LSAMP: variants seen among roughly 807,000 people sequenced by gnomAD.
The protein encoded by LSAMP is limbic system-associated membrane protein.
Under a neutral mutation model 38.6 loss-of-function variants are expected in LSAMP, and 7 were observed. The ratio of observed to expected loss-of-function variants is 0.18; its 90% CI spans 0.10 to 0.34. The LOEUF is 0.34. Among genes scored for constraint, LSAMP ranks in the 10% least tolerant of loss-of-function variants. LSAMP has a pLI of 1.00. For missense variants in LSAMP, 313 were observed against 420.0 expected, an observed-to-expected ratio of 0.75 and a Z score of 2.23; for synonymous variants, 154 against 166.8, an observed-to-expected ratio of 0.92 and a Z score of 0.59.
chr3:116,004,061 A>G (rs1048816606), intron 3 of LSAMP, among the ~76,000 whole-genome samples: 2 of 152,224 alleles, frequency 1.3e-5, no homozygotes, highest in African/African-American at 2.4e-5. Flanking sequence ...GACTGCAACT[A>G]TGTCTCAGGG....
intron 1 of LSAMP, among the ~76,000 whole-genome samples, chr3:116,357,934 G>T (rs1274494002): frequency 6.6e-6 from 1 of 151,418 alleles, no homozygotes; most frequent in South Asian, 2.1e-4. Context: ...AAAAAAAGAG[G>T]TTGAACACCT....
chr3:115,855,385 ATATCCT>A (rs1368737377), intron 3 of LSAMP, among the ~76,000 whole-genome samples: 4 of 152,230 alleles, frequency 2.6e-5, no homozygotes, highest in Non-Finnish European at 5.9e-5. Context: ...ATAATAAAAC[ATATCCT>A]TATCAGATAA....
At chr3:116,376,551 A>G (rs561652500) in intron 1 of LSAMP, among the ~76,000 whole-genome samples, 1 of 152,050 alleles carries the variant, frequency 6.6e-6, no homozygotes, top group African/African-American at 2.4e-5. Context: ...GGTTCATCCA[A>G]AGGAATAATA....
chr3:116,312,497 A>T (rs1211381723), intron 1 of LSAMP, among the ~76,000 whole-genome samples: 1 of 151,986 alleles, frequency 6.6e-6, no homozygotes, highest in Non-Finnish European at 1.5e-5. Context: ...ATTCTGAGTT[A>T]TTTACTCTCC....
intron 1 of LSAMP, among the ~76,000 whole-genome samples, chr3:116,179,909 C>A (rs758671872): frequency 2.0e-5 from 3 of 152,100 alleles, no homozygotes; most frequent in Non-Finnish European, 4.4e-5. Flanking sequence ...ACCTCCTAGT[C>A]TTTTTAGTAG....
chr3:116,262,459 T>A (rs2046836978), intron 1 of LSAMP, among the ~76,000 whole-genome samples: 1 of 152,204 alleles, frequency 6.6e-6, no homozygotes, highest in East Asian at 1.9e-4. Context: ...AATCCTCCCA[T>A]AAATGCATCT....
intron 1 of LSAMP, among the ~76,000 whole-genome samples, chr3:116,155,631 GTGTGTATA>G (rs1709728966): frequency 9.5e-6 from 1 of 105,802 alleles, no homozygotes; most frequent in Admixed American, 9.9e-5. Flanking sequence ...GGGTGTGTGT[GTGTGTATA>G]TGTGTGTGTG....
intron 1 of LSAMP, among the ~76,000 whole-genome samples, chr3:116,411,954 C>CTTCT (rs2048986785): frequency 1.3e-5 from 2 of 151,926 alleles, no homozygotes; most frequent in Admixed American, 1.3e-4. Context: ...TGTATGCTTA[C>CTTCT]TTCTGCCTTT....
intron 1 of LSAMP, among the ~76,000 whole-genome samples, chr3:116,298,816 T>C (rs554491747): frequency 1.3e-5 from 2 of 152,144 alleles, no homozygotes; most frequent in Non-Finnish European, 2.9e-5. Flanking sequence ...TTTCCCGTTA[T>C]ATTTAGAGTT....
At chr3:116,378,520 C>T (rs917894037) in intron 1 of LSAMP, among the ~76,000 whole-genome samples, 27 of 152,124 alleles carry the variant, frequency 1.8e-4, no homozygotes, top group African/African-American at 6.3e-4. Flanking sequence ...TTTTAGAAGT[C>T]ATAAAGAGCT....
At chr3:116,440,051 A>G (rs2049412786) in intron 1 of LSAMP, among the ~76,000 whole-genome samples, 1 of 152,246 alleles carries the variant, frequency 6.6e-6, no homozygotes, top group South Asian at 2.1e-4. Flanking sequence ...AAGGAAAATG[A>G]AGCTCAAAGT....
chr3:116,338,179 A>T (rs1474042585), intron 1 of LSAMP, among the ~76,000 whole-genome samples: 2 of 151,994 alleles, frequency 1.3e-5, no homozygotes, highest in Non-Finnish European at 2.9e-5. Flanking sequence ...ATCCTCCTCT[A>T]GACATAGCTA....
intron 1 of LSAMP, among the ~76,000 whole-genome samples, chr3:116,433,284 A>T (rs2049306512): frequency 6.6e-6 from 1 of 152,156 alleles, no homozygotes; most frequent in African/African-American, 2.4e-5. Flanking sequence ...GCATAACTAA[A>T]GTACAACTTT....
rs35932620 is a variant in LSAMP, at chr3:116,105,177, G to GAAA, written c.156-18624_156-18622dup. ...AGATATTTTTCAGTTTGACTAGGGG[G>GAAA]AAAAAAAAAAAAACTGCCACAGCTG... On this transcript the variant is annotated intron_variant, in intron 1 of 6. Transcript: ENST00000490035. 6.3e-3 allele frequency among the ~76,000 whole-genome samples: 912 copies of GAAA among 143,838 alleles called. 9 individuals carry two copies. Among genetic ancestry groups the GAAA allele is most frequent in the African/African-American group, 0.021 (830 of 39,748 alleles). 94.4% of individuals were successfully genotyped at this position (143,838 alleles called of 152,430 possible).
chr3:116,099,370 G>A (rs1387759047), intron 1 of LSAMP, among the ~76,000 whole-genome samples: 1 of 152,164 alleles, frequency 6.6e-6, no homozygotes, highest in Non-Finnish European at 1.5e-5. Flanking sequence ...GGTAGAGGGA[G>A]GGAAAGAGCT....
chr3:116,415,574 G>T (rs1036284865), intron 1 of LSAMP, among the ~76,000 whole-genome samples: 8 of 152,074 alleles, frequency 5.3e-5, no homozygotes, highest in Admixed American at 2.6e-4. Context: ...GAATTACCCA[G>T]ATCATCTTGG....
intron 1 of LSAMP, among the ~76,000 whole-genome samples, chr3:116,117,091 A>G (rs1708769882): frequency 6.6e-6 from 1 of 152,266 alleles, no homozygotes. Flanking sequence ...TTTTTTATGC[A>G]GCAAGGGATA....
intron 1 of LSAMP, among the ~76,000 whole-genome samples, chr3:116,335,614 T>A (rs1258098347): frequency 1.3e-5 from 2 of 152,070 alleles, no homozygotes; most frequent in Non-Finnish European, 2.9e-5. Context: ...CTATCATCTG[T>A]TCATCAGGAT....
At chr3:115,936,852 C>G (rs950272777) in intron 3 of LSAMP, among the ~76,000 whole-genome samples, 8 of 152,032 alleles carry the variant, frequency 5.3e-5, no homozygotes, top group African/African-American at 1.9e-4. Context: ...AATTCTGACT[C>G]TAGGAAGTTT....
Sources: allele counts gnomAD v4.1 joint callset (sites outside exome capture counted in the v4.1 genomes callset), GRCh38; gene constraint gnomAD v4.1.1; transcripts MANE v1.5; gene names NCBI Gene and HGNC (gene_info 2026-07-23, HGNC 2026-07-21).